Variants in B3GALT1 observed in about 807,000 individuals in gnomAD.
B3GALT1 encodes UDP-Gal:betaGlcNAc beta 1,3-galactosyltransferase, polypeptide 1.
In B3GALT1, 10 loss-of-function variants were observed where a neutral mutation model predicts 23.2. That is an observed-to-expected ratio of 0.43 (90% confidence interval 0.27 to 0.73). B3GALT1 has a LOEUF of 0.73. B3GALT1 is among the 30% of genes least tolerant of loss of function. The pLI is 0.21. For synonymous variants in B3GALT1, 156 were observed against 141.5 expected (o/e 1.10, Z -0.73); for missense variants, 299 against 405.4 (o/e 0.74, Z 2.25).
At chr2:167,454,663 T>G (rs908644565) in intron 1 of B3GALT1, among the ~76,000 whole-genome samples, 1 of 152,066 alleles carries the variant, frequency 6.6e-6, no homozygotes, top group Non-Finnish European at 1.5e-5. Flanking sequence ...AAAGTAATGT[T>G]AGAAATAATA....
intron 1 of B3GALT1, among the ~76,000 whole-genome samples, chr2:167,357,018 ATGTGTG>A (rs981311341): frequency 6.6e-6 from 1 of 150,788 alleles, no homozygotes; most frequent in Non-Finnish European, 1.5e-5. Flanking sequence ...CCCAGTTTGT[ATGTGTG>A]TGTGTGTATA....
chr2:167,626,351 A>T (rs1685346002), intron 2 of B3GALT1, among the ~76,000 whole-genome samples: 1 of 151,650 alleles, frequency 6.6e-6, no homozygotes. Flanking sequence ...TCACAGTAAG[A>T]AGCTTTGCAC....
chr2:167,669,877 G>A (rs906667100), intron 3 of B3GALT1, among the ~76,000 whole-genome samples: 17 of 152,070 alleles, frequency 1.1e-4, no homozygotes, highest in Non-Finnish European at 2.2e-4. Flanking sequence ...CCAGAACACT[G>A]AGGGGATAAA....
intron 2 of B3GALT1, among the ~76,000 whole-genome samples, chr2:167,543,817 C>T (rs1574128211): frequency 2.6e-5 from 4 of 152,254 alleles, no homozygotes; most frequent in African/African-American, 7.2e-5. Context: ...CTGCTATAAG[C>T]GCATTTGGCT....
intron 1 of B3GALT1, among the ~76,000 whole-genome samples, chr2:167,423,460 A>G (rs1698577202): frequency 6.6e-6 from 1 of 152,172 alleles, no homozygotes; most frequent in African/African-American, 2.4e-5. Flanking sequence ...ACCAGGACCG[A>G]TCTATGCAAT....
chr2:167,414,110 G>A (rs1452752208), intron 1 of B3GALT1, among the ~76,000 whole-genome samples: 1 of 152,078 alleles, frequency 6.6e-6, no homozygotes, highest in African/African-American at 2.4e-5. Flanking sequence ...CATGACATGG[G>A]GGGCCTTAAT....
At position 167,806,589 on chromosome 2, in the gene B3GALT1, G is replaced by A. The variant is rs182580818; in HGVS notation, c.-351-12083G>A. Among the ~76,000 whole-genome samples, 358 of 152,178 alleles carry A rather than the reference G, an allele frequency of 2.4e-3. 2 individuals carry two copies. The highest frequency in any genetic ancestry group is 7.6e-3 in the African/African-American group (314 of 41,528). On this transcript the variant is annotated intron_variant, in intron 3 of 4. Coordinates refer to ENST00000392690, the MANE Select transcript of B3GALT1 (RefSeq NM_020981.4). ...TATTGAGATAATTGTAGTTTTTGTC[G>A]TTGGTTCTGTTTATATGCTGGATTA... is the stretch of plus-strand genomic sequence containing the variant.
In B3GALT1 at chr2:167,351,955, A is replaced by ATT. The variant is rs71031283; in HGVS notation, c.-511+58643_-511+58644dup. ...CTGTGAAAGGAGAAGGCTGTTTTTG[A>ATT]TTTTTTTTTTTTTTTTTTTTTTTGA... On this transcript the variant is annotated intron_variant, in intron 1 of 4. Coordinates refer to ENST00000392690, the MANE Select transcript of B3GALT1 (RefSeq NM_020981.4). Among the ~76,000 whole-genome samples, 904 of 134,166 alleles carry ATT rather than the reference A, an allele frequency of 6.7e-3. 22 individuals carry two copies. Among genetic ancestry groups the ATT allele is most frequent in the African/African-American group, 0.023 (721 of 31,466 alleles). 88.0% of individuals were successfully genotyped at this position (134,166 alleles called of 152,430 possible). A position where few individuals can be genotyped will look rare whatever the true frequency, so the allele number is the denominator to read the frequency against.
intron 2 of B3GALT1, among the ~76,000 whole-genome samples, chr2:167,582,701 G>A (rs1684509858): frequency 6.6e-6 from 1 of 152,128 alleles, no homozygotes; most frequent in Non-Finnish European, 1.5e-5. Context: ...TAAGCCCCTT[G>A]CTGGTCCCTG....
intron 2 of B3GALT1, among the ~76,000 whole-genome samples, chr2:167,579,279 A>G (rs918992649): frequency 6.6e-6 from 1 of 151,960 alleles, no homozygotes; most frequent in African/African-American, 2.4e-5. Flanking sequence ...ATAAATTTTT[A>G]TAGAAAGAAA....
chr2:167,304,249 G>A (rs1483057774), intron 1 of B3GALT1, among the ~76,000 whole-genome samples: 2 of 152,164 alleles, frequency 1.3e-5, no homozygotes, highest in African/African-American at 4.8e-5. Flanking sequence ...CAGCACTTGA[G>A]CTGGGAATTC....
At chr2:167,573,782 A>C (rs137867315) in intron 2 of B3GALT1, among the ~76,000 whole-genome samples, 110 of 151,812 alleles carry the variant, frequency 7.2e-4, no homozygotes, top group African/African-American at 2.3e-3. Context: ...CCAGAAAAAA[A>C]AGTGTGCTTA....
chr2:167,522,519 G>A (rs1700205543), intron 2 of B3GALT1, among the ~76,000 whole-genome samples: 1 of 152,032 alleles, frequency 6.6e-6, no homozygotes, highest in African/African-American at 2.4e-5. Flanking sequence ...GTTCATGAAA[G>A]TCTCTGCTTC....
At chr2:167,512,555 T>TATTTTTTGAGATAGG (rs1491248412) in intron 2 of B3GALT1, among the ~76,000 whole-genome samples, 1 of 90,734 alleles carries the variant, frequency 1.1e-5, no homozygotes, top group African/African-American at 6.5e-5. Context: ...TGTATATATA[T>TATTTTTTGAGATAGG]GTATATATAT....
At chr2:167,787,502 T>C (rs1283671690) in intron 3 of B3GALT1, among the ~76,000 whole-genome samples, 1 of 152,246 alleles carries the variant, frequency 6.6e-6, no homozygotes, top group Non-Finnish European at 1.5e-5. Flanking sequence ...TATTTGATTC[T>C]ATTTGTCTTG....
chr2:167,494,942 C>G (rs773917277), intron 2 of B3GALT1, among the ~76,000 whole-genome samples: 4 of 152,134 alleles, frequency 2.6e-5, no homozygotes, highest in South Asian at 2.1e-4. Flanking sequence ...ATTGGCTTTA[C>G]TGATAAGGGA....
chr2:167,432,019 G>A (rs1698714663), intron 1 of B3GALT1, among the ~76,000 whole-genome samples: 1 of 152,128 alleles, frequency 6.6e-6, no homozygotes, highest in African/African-American at 2.4e-5. Flanking sequence ...AGAAGAGAAG[G>A]ATAGTCCTAT....
chr2:167,652,104 TG>T (rs1488631711), intron 3 of B3GALT1, among the ~76,000 whole-genome samples: 1 of 152,036 alleles, frequency 6.6e-6, no homozygotes, highest in East Asian at 1.9e-4. Context: ...CTGAACATAT[TG>T]GGGGGAAGCA....
At chr2:167,428,821 T>A (rs1446963920) in intron 1 of B3GALT1, among the ~76,000 whole-genome samples, 2 of 152,248 alleles carry the variant, frequency 1.3e-5, no homozygotes, top group African/African-American at 4.8e-5. Flanking sequence ...GCTGAGAGTA[T>A]AATACTAAAG....
Sources: allele counts gnomAD v4.1 joint callset (sites outside exome capture counted in the v4.1 genomes callset), GRCh38; gene constraint gnomAD v4.1.1; transcripts MANE v1.5; gene names NCBI Gene and HGNC (gene_info 2026-07-23, HGNC 2026-07-21).